Variants in FAT3 observed in about 807,000 individuals in gnomAD.
The protein encoded by FAT3 is FAT atypical cadherin 3, also known as protocadherin Fat 3.
Under a neutral mutation model 310.2 loss-of-function variants are expected in FAT3, and 95 were observed. The observed-to-expected ratio is 0.31, with a 90% CI of 0.26 to 0.36. FAT3 has a LOEUF of 0.36. FAT3 is among the 10% of genes least tolerant of loss of function. The probability of loss-of-function intolerance (pLI) is 1.00; values close to 1 mark genes in which losing one functional copy is unlikely to be tolerated. For missense variants in FAT3, 5,408 were observed against 5,715.6 expected (o/e 0.95, Z 1.74); for synonymous variants, 2,314 against 2,192.9 (o/e 1.06, Z -1.54).
intron 2 of FAT3, among the ~76,000 whole-genome samples, chr11:92,370,512 C>T (rs775765265): frequency 3.9e-5 from 6 of 152,104 alleles, no homozygotes; most frequent in Non-Finnish European, 8.8e-5. Context: ...TTTCTTACAC[C>T]TTGAGGATAC....
At chr11:92,593,553 G>A (rs115435935) in intron 3 of FAT3, among the ~76,000 whole-genome samples, 67 of 152,068 alleles carry the variant, frequency 4.4e-4, no homozygotes, top group African/African-American at 1.6e-3. Context: ...GGCTCTGAGA[G>A]TATTTTCCTT....
chr11:92,411,121 TTTATATA>T (rs910650052), intron 2 of FAT3, among the ~76,000 whole-genome samples: 8 of 127,748 alleles, frequency 6.3e-5, no homozygotes, highest in African/African-American at 2.2e-4. Flanking sequence ...AATATATATA[TTTATATA>T]TTATATATTA....
At chr11:92,806,900 C>G (rs1407395202) in intron 12 of FAT3, among the ~76,000 whole-genome samples, 1 of 151,980 alleles carries the variant, frequency 6.6e-6, no homozygotes, top group Non-Finnish European at 1.5e-5. Context: ...GTAAATAATT[C>G]TCCTAGGAAA....
chr11:92,455,575 C>T lies in FAT3; in HGVS notation c.3293-69059C>T, dbSNP rs927253405. On this transcript the variant is annotated intron_variant, in intron 2 of 27. Transcript: ENST00000525166. The stretch of plus-strand genomic sequence containing the variant: ...ACTAGCTTGGTTGTATGACATGACT[C>T]TGGGTGGAACAATGGCCATTTGTTG... 3.3e-5 allele frequency among the ~76,000 whole-genome samples: 5 copies of T among 152,068 alleles called. No individual in the cohort carries two copies. The South Asian group carries it at 1.0e-3, about 32-fold the overall frequency.
At chr11:92,440,767 A>G (rs146005445) in intron 2 of FAT3, among the ~76,000 whole-genome samples, 203 of 152,338 alleles carry the variant, frequency 1.3e-3, no homozygotes, top group African/African-American at 4.5e-3. Flanking sequence ...AGGGTTAGTA[A>G]TAATTGTGCT....
At chr11:92,859,555 G>A (rs1369514079) in intron 21 of FAT3, among the ~76,000 whole-genome samples, 1 of 152,144 alleles carries the variant, frequency 6.6e-6, no homozygotes, top group African/African-American at 2.4e-5. Context: ...CTTGAGAGCG[G>A]GTTCAAGGGC....
intron 20 of FAT3, among the ~76,000 whole-genome samples, chr11:92,858,797 A>C (rs1287435747): frequency 6.6e-6 from 1 of 152,154 alleles, no homozygotes; most frequent in Non-Finnish European, 1.5e-5. Context: ...CGAATGCCTA[A>C]GTGATTGGGG....
At chr11:92,341,474 G>C (rs1054687968) in intron 1 of FAT3, among the ~76,000 whole-genome samples, 33 of 152,332 alleles carry the variant, frequency 2.2e-4, no homozygotes, top group Admixed American at 6.5e-4. Flanking sequence ...GAATACGGGA[G>C]AGCCGAAGGA....
chr11:92,408,420 C>T (rs1201757301), intron 2 of FAT3, among the ~76,000 whole-genome samples: 5 of 152,192 alleles, frequency 3.3e-5, no homozygotes, highest in Non-Finnish European at 7.3e-5. Context: ...TTTCTCAACT[C>T]AGCTTCTTGA....
At chr11:92,412,746 A>ACACAC (rs1591252852) in intron 2 of FAT3, among the ~76,000 whole-genome samples, 4 of 18,070 alleles carry the variant, frequency 2.2e-4, no homozygotes, top group South Asian at 1.8e-3. Flanking sequence ...TATATATATA[A>ACACAC]ATATACATAC....
At chr11:92,626,689 C>G (rs1175650194) in intron 3 of FAT3, among the ~76,000 whole-genome samples, 1 of 152,036 alleles carries the variant, frequency 6.6e-6, no homozygotes, top group Non-Finnish European at 1.5e-5. Flanking sequence ...TCATGAGAAA[C>G]TTGAATAATT....
intron 2 of FAT3, among the ~76,000 whole-genome samples, chr11:92,464,230 A>G (rs1363251494): frequency 6.6e-6 from 1 of 152,158 alleles, no homozygotes; most frequent in Non-Finnish European, 1.5e-5. Context: ...GATCTTCTAA[A>G]TGGCACACAA....
At chr11:92,552,176 C>A (rs113497510) in intron 3 of FAT3, among the ~76,000 whole-genome samples, 141 of 152,206 alleles carry the variant, frequency 9.3e-4, no homozygotes, top group African/African-American at 3.2e-3. Flanking sequence ...AATTTAAATA[C>A]AAGAATTCAA....
chr11:92,573,897 C>T (rs1938325723), intron 3 of FAT3, among the ~76,000 whole-genome samples: 1 of 151,930 alleles, frequency 6.6e-6, no homozygotes, highest in South Asian at 2.1e-4. Flanking sequence ...TAATGGCAGC[C>T]CCAGGAAACT....
chr11:92,630,183 G>A (rs886302025), intron 3 of FAT3, among the ~76,000 whole-genome samples: 2 of 152,132 alleles, frequency 1.3e-5, no homozygotes, highest in Non-Finnish European at 2.9e-5. Flanking sequence ...TAGAACACTA[G>A]ATGTGGCTGG....
intron 2 of FAT3, among the ~76,000 whole-genome samples, chr11:92,521,732 CA>C (rs1486442271): frequency 6.6e-6 from 1 of 152,100 alleles, no homozygotes; most frequent in Admixed American, 6.6e-5. Flanking sequence ...GGCAAGTTAC[CA>C]ACATGGTGTC....
At chr11:92,577,020 A>C (rs976016368) in intron 3 of FAT3, among the ~76,000 whole-genome samples, 1 of 64,364 alleles carries the variant, frequency 1.6e-5, no homozygotes, top group Non-Finnish European at 6.1e-5. Context: ...ATAGAATTCA[A>C]ATCATTCATT....
chr11:92,668,238 A>G (rs887149616), intron 3 of FAT3, among the ~76,000 whole-genome samples: 1 of 152,254 alleles, frequency 6.6e-6, no homozygotes, highest in East Asian at 1.9e-4. Flanking sequence ...TTGGCCAAAT[A>G]TGACATCAAT....
intron 2 of FAT3, among the ~76,000 whole-genome samples, chr11:92,507,118 G>A (rs909830492): frequency 2.6e-5 from 4 of 152,310 alleles, no homozygotes; most frequent in Non-Finnish European, 5.9e-5. Flanking sequence ...TCTTGTCAGT[G>A]CCTCTGGTGC....
Sources: allele counts gnomAD v4.1 joint callset (sites outside exome capture counted in the v4.1 genomes callset), GRCh38; gene constraint gnomAD v4.1.1; transcripts MANE v1.5; gene names NCBI Gene and HGNC (gene_info 2026-07-23, HGNC 2026-07-21).